Variants in CACNA1C observed in about 807,000 individuals in gnomAD.
CACNA1C encodes the protein voltage-dependent L-type calcium channel subunit alpha-1C.
In CACNA1C, 30 loss-of-function variants were observed where a neutral mutation model predicts 229.0. The observed-to-expected ratio is 0.13, with a 90% confidence interval of 0.10 to 0.18. CACNA1C has a LOEUF of 0.18. CACNA1C is among the 10% of genes least tolerant of loss of function. The pLI is 1.00. For missense variants in CACNA1C, 1,658 were observed against 2,845.0 expected (o/e 0.58, Z 9.49); for synonymous variants, 1,114 against 1,132.5 (o/e 0.98, Z 0.33).
chr12:2,570,303 T>G (rs2053651547), intron 13 of CACNA1C, among the ~76,000 whole-genome samples: 1 of 152,188 alleles, frequency 6.6e-6, no homozygotes, highest in African/African-American at 2.4e-5. Flanking sequence ...CTGGAGCTGA[T>G]GGCATCTTGC....
In CACNA1C at chr12:2,036,673, T is replaced by A. The variant is rs183950551; in HGVS notation, c.139+65472T>A. 5.3e-5 allele frequency among the ~76,000 whole-genome samples: 8 copies of A among 152,144 alleles called. No individual in the cohort carries two copies. The East Asian group carries it at 1.4e-3, about 26-fold the overall frequency. ...TAGAGACAGGGTTTCACCATGTTGG[T>A]CAGGCTGGCCTTGAACCCCTGACCT... is the stretch of plus-strand genomic sequence containing the variant. On this transcript the variant is annotated intron_variant, in intron 1 of 46. Transcript: ENST00000682462.
rs553016778 is a variant in CACNA1C at position 2,654,147 on chromosome 12, G to A, written c.4140+247G>A. 3.3e-5 allele frequency among the ~76,000 whole-genome samples: 5 copies of A among 152,186 alleles called. No individual in the cohort carries two copies. The highest frequency in any genetic ancestry group is 1.9e-4 in the East Asian group (1 of 5,186). ...CACAGCCCAGAGAGCCTCCCTCCCCGAGGCCTGGGTTCTGCTCTTGGTAGA... is the reference window on the plus strand; with the variant it reads ...CACAGCCCAGAGAGCCTCCCTCCCCAAGGCCTGGGTTCTGCTCTTGGTAGA... On this transcript the variant is annotated intron_variant, in intron 33 of 46. Transcript: ENST00000399655. The surrounding 1 kb of genome is among the most constrained non-coding windows in gnomAD (Gnocchi z 4.4).
intron 3 of CACNA1C, among the ~76,000 whole-genome samples, chr12:2,249,742 C>T (rs907657768): frequency 1.3e-5 from 2 of 151,362 alleles, no homozygotes; most frequent in Non-Finnish European, 1.5e-5. Flanking sequence ...CCGGTGGCTC[C>T]GAATCAGTGA....
chr12:2,412,567 G>A (rs758821043), intron 3 of CACNA1C, among the ~76,000 whole-genome samples: 2 of 152,228 alleles, frequency 1.3e-5, no homozygotes, highest in African/African-American at 2.4e-5. Flanking sequence ...ATTGAGCTGC[G>A]AGTGAGTAAG....
intron 3 of CACNA1C, among the ~76,000 whole-genome samples, chr12:2,407,830 G>A (rs754242607): frequency 1.3e-5 from 2 of 152,218 alleles, no homozygotes; most frequent in Non-Finnish European, 1.5e-5. Context: ...GTGCATATTG[G>A]CCATTTGTAG....
intron 1 of CACNA1C, among the ~76,000 whole-genome samples, chr12:2,112,229 G>A (rs1476087808): frequency 6.6e-6 from 1 of 152,200 alleles, no homozygotes; most frequent in Admixed American, 6.5e-5. Context: ...GGGTGTTCAA[G>A]CAGTTCTCAT....
At chr12:2,297,695 T>C (rs951080289) in intron 3 of CACNA1C, among the ~76,000 whole-genome samples, 2 of 152,232 alleles carry the variant, frequency 1.3e-5, no homozygotes, top group Non-Finnish European at 2.9e-5. Context: ...TCTTTTATGC[T>C]TAGTCTAAGT....
In CACNA1C at chr12:2,512,796, C is replaced by T. The variant is rs948893951; in HGVS notation, c.1218-16C>T. 3 of 1,600,674 alleles carry T rather than the reference C, an allele frequency of 1.9e-6. No individual in the cohort carries two copies. Among genetic ancestry groups the T allele is most frequent in the Admixed American group, 1.7e-5 (1 of 59,224 alleles). ...TCTGTGCTCTCCTGCCCTGCCCCTC[C>T]TCTCACTCTCACCAGAGAGTTTTCC... On this transcript the variant is annotated splice_polypyrimidine_tract_variant and intron_variant, in intron 8 of 46. Coordinates refer to ENST00000399655, the MANE Select transcript of CACNA1C (RefSeq NM_000719.7). This position sits in a 1 kb window ranked among gnomAD's most constrained non-coding sequence, Gnocchi z 4.3.
chr12:2,235,061 A>G (rs1279072912), intron 3 of CACNA1C, among the ~76,000 whole-genome samples: 1 of 152,100 alleles, frequency 6.6e-6, no homozygotes, highest in Non-Finnish European at 1.5e-5. Context: ...TTCAGGCAGC[A>G]TTATTCCTTG....
intron 3 of CACNA1C, among the ~76,000 whole-genome samples, chr12:2,225,901 C>T (rs1190864232): frequency 6.6e-6 from 1 of 152,150 alleles, no homozygotes; most frequent in African/African-American, 2.4e-5. Context: ...AATGTAATCA[C>T]TGAGCTGTCT....
At chr12:1,990,789 C>T (rs1453341298) in intron 1 of CACNA1C, among the ~76,000 whole-genome samples, 1 of 152,162 alleles carries the variant, frequency 6.6e-6, no homozygotes, top group East Asian at 1.9e-4. Context: ...CACCAAAGAA[C>T]ATGTAAACCA....
intron 30 of CACNA1C, among the ~76,000 whole-genome samples, chr12:2,634,816 C>T (rs1413605941): frequency 6.6e-6 from 1 of 152,172 alleles, no homozygotes; most frequent in Non-Finnish European, 1.5e-5. Context: ...CTTTGCATCC[C>T]CACAGCATCT....
At chr12:2,508,223 T>A (rs1371902097) in intron 8 of CACNA1C, among the ~76,000 whole-genome samples, 1 of 152,190 alleles carries the variant, frequency 6.6e-6, no homozygotes, top group Admixed American at 6.5e-5. Context: ...AAGGATAATA[T>A]GATTTTATAG....
At chr12:2,106,080 C>G (rs528487893) in intron 1 of CACNA1C, among the ~76,000 whole-genome samples, 4 of 47,238 alleles carry the variant, frequency 8.5e-5, no homozygotes, top group Admixed American at 2.3e-4. Flanking sequence ...GTTTCCACCT[C>G]AGCTGGGCGT....
chr12:2,333,178 G>A (rs924502259), intron 3 of CACNA1C, among the ~76,000 whole-genome samples: 3 of 151,526 alleles, frequency 2.0e-5, no homozygotes, highest in Non-Finnish European at 4.4e-5. Context: ...CTGTGTGCTG[G>A]GCACTCCGGA....
At position 2,575,511 on chromosome 12, in the gene CACNA1C, G is replaced by A. The variant is rs1451793647; in HGVS notation, c.1896-6079G>A. Among the ~76,000 whole-genome samples, 1 of 152,110 alleles carries A rather than the reference G, an allele frequency of 6.6e-6. No individual in the cohort carries two copies. On this transcript the variant is annotated intron_variant, in intron 13 of 46. Coordinates refer to ENST00000399655, the MANE Select transcript of CACNA1C (RefSeq NM_000719.7). The surrounding 1 kb of genome is among the most constrained non-coding windows in gnomAD (Gnocchi z 4.0). ...TGGATTCTACCTGCTTCCCCAGGTG[G>A]CCTCAGCCAATTCTCACTCCTCTTC...
At chr12:2,454,303 A>G (rs1373560775) in intron 4 of CACNA1C, among the ~76,000 whole-genome samples, 1 of 152,176 alleles carries the variant, frequency 6.6e-6, no homozygotes, top group Non-Finnish European at 1.5e-5. Flanking sequence ...TCCCATGGCT[A>G]TAGCCAATAT....
chr12:2,566,100 A>C lies in CACNA1C; in HGVS notation c.1509-322A>C, dbSNP rs2050738668. On this transcript the variant is annotated intron_variant, in intron 11 of 46. Coordinates refer to ENST00000399655, the MANE Select transcript of CACNA1C (RefSeq NM_000719.7). The surrounding 1 kb of genome is among the most constrained non-coding windows in gnomAD (Gnocchi z 4.0). ...TTTCTAAGAATGCTGTTTCACAAAA[A>C]TTAAAAAAACTTCCATTTATTGAGC... 6.6e-6 allele frequency among the ~76,000 whole-genome samples: 1 copy of C among 152,204 alleles called. No individual in the cohort carries two copies. Among genetic ancestry groups the C allele is most frequent in the South Asian group, 2.1e-4 (1 of 4,826 alleles).
At chr12:2,474,756 C>CAAAAA (rs34963749) in intron 5 of CACNA1C, among the ~76,000 whole-genome samples, 2 of 99,798 alleles carry the variant, frequency 2.0e-5, no homozygotes, top group African/African-American at 4.3e-5. Flanking sequence ...AACTCCATCT[C>CAAAAA]AAAAAAAAAA....
Sources: gnomAD v4.1 joint callset for allele counts (sites outside exome capture counted in the v4.1 genomes callset) on GRCh38, gnomAD v4.1.1 for gene constraint, Gnocchi (gnomAD v3.1) non-coding constraint, MANE v1.5 for transcripts, NCBI Gene and HGNC (gene_info 2026-07-23, HGNC 2026-07-21) for gene names.